MAP2K2: variants seen among roughly 807,000 people sequenced by gnomAD.
MAP2K2 encodes the protein dual specificity mitogen-activated protein kinase kinase 2.
In MAP2K2, 24 loss-of-function variants were observed where a neutral mutation model predicts 43.7. The ratio of observed to expected loss-of-function variants is 0.55; its 90% CI spans 0.40 to 0.77. The LOEUF (loss-of-function observed/expected upper bound fraction) is 0.77. Among genes scored for constraint, MAP2K2 ranks in the 30% least tolerant of loss-of-function variants. MAP2K2 has a pLI of 0.00. For synonymous variants in MAP2K2, 244 were observed against 239.7 expected, an observed-to-expected ratio of 1.02 and a Z score of -0.17; for missense variants, 470 against 566.8, an observed-to-expected ratio of 0.83 and a Z score of 1.73.
At chr19:4,112,899 T>C (rs1024262526) in intron 2 of MAP2K2, among the ~76,000 whole-genome samples, 3 of 152,084 alleles carry the variant, frequency 2.0e-5, no homozygotes, top group African/African-American at 7.2e-5. Context: ...GATGTTCACG[T>C]GGAGGTTGGG....
intron 10 of MAP2K2, among the ~76,000 whole-genome samples, chr19:4,092,527 T>G (rs2040864037): frequency 6.6e-6 from 1 of 151,976 alleles, no homozygotes; most frequent in African/African-American, 2.4e-5. Flanking sequence ...AGATGGAGTT[T>G]GCAGTGAGCC....
intron 2 of MAP2K2, among the ~76,000 whole-genome samples, chr19:4,113,617 T>C (rs2041183107): frequency 6.6e-6 from 1 of 152,178 alleles, no homozygotes; most frequent in African/African-American, 2.4e-5. Context: ...GAGCCCGTAT[T>C]CTTTCCAGGA....
At chr19:4,097,786 T>C (rs1187019215) in intron 7 of MAP2K2, among the ~76,000 whole-genome samples, 1 of 152,162 alleles carries the variant, frequency 6.6e-6, no homozygotes, top group East Asian at 1.9e-4. Flanking sequence ...TAGGGGTGGC[T>C]GACCCCTGTC....
chr19:4,093,324 G>C (rs935427033), intron 10 of MAP2K2, among the ~76,000 whole-genome samples: 7 of 152,174 alleles, frequency 4.6e-5, no homozygotes, highest in African/African-American at 1.7e-4. Flanking sequence ...CTTGAGCACG[G>C]GAGTTGGGGC....
intron 1 of MAP2K2, among the ~76,000 whole-genome samples, chr19:4,119,340 G>C (rs2041265320): frequency 6.6e-6 from 1 of 152,088 alleles, no homozygotes; most frequent in Non-Finnish European, 1.5e-5. Flanking sequence ...TCCTGCCTCA[G>C]CCTCCGAAGT....
chr19:4,095,285 G>C (rs2040900857), intron 9 of MAP2K2, 103 bp downstream of exon 9: 1 of 1,012,084 alleles, frequency 9.9e-7, no homozygotes, highest in Non-Finnish European at 1.5e-6. Context: ...CGCTGCACTG[G>C]GATTCTGGAT....
intron 10 of MAP2K2, among the ~76,000 whole-genome samples, chr19:4,094,245 G>A (rs2040882848): frequency 6.6e-6 from 1 of 152,286 alleles, no homozygotes; most frequent in African/African-American, 2.4e-5. Flanking sequence ...CACACCCTCT[G>A]CTCCCCGCAG....
chr19:4,121,832 C>G (rs2041300090), intron 1 of MAP2K2, among the ~76,000 whole-genome samples: 2 of 54,858 alleles, frequency 3.6e-5, no homozygotes, highest in Admixed American at 3.0e-4. Context: ...CCTGACCCCC[C>G]CAAAGTCCCC....
rs185846523 is a variant in MAP2K2 at position 4,113,214 on chromosome 19, C to T, written c.304-2559G>A. On this transcript the variant is annotated intron_variant, in intron 2 of 10. Coordinates refer to ENST00000262948, the MANE Select transcript of MAP2K2 (RefSeq NM_030662.4). Reference sequence around the variant, plus strand: ...GGCCTTGGAACCCAGGAGCTCCGAACGTGAAATGAGGCCGTCGGAAGCGAG... The same window carrying T: ...GGCCTTGGAACCCAGGAGCTCCGAATGTGAAATGAGGCCGTCGGAAGCGAG... Among the ~76,000 whole-genome samples, 210 of 152,294 alleles carry T rather than the reference C, an allele frequency of 1.4e-3. 1 individual carries two copies. The highest frequency in any genetic ancestry group is 2.4e-3 in the Non-Finnish European group (161 of 68,022).
chr19:4,105,032 G>A (rs1195169629), intron 3 of MAP2K2, among the ~76,000 whole-genome samples: 2 of 152,162 alleles, frequency 1.3e-5, no homozygotes, highest in Non-Finnish European at 2.9e-5. Flanking sequence ...CAGCTATAAA[G>A]ACCAAAGTCT....
intron 6 of MAP2K2, chr19:4,100,428 TCAAAA>T (rs2040987716): frequency 4.7e-5 from 1 of 21,496 alleles, no homozygotes; most frequent in African/African-American, 2.4e-4. Flanking sequence ...AGACTCTGTC[TCAAAA>T]AAAAAAAAAA....
intron 3 of MAP2K2, among the ~76,000 whole-genome samples, chr19:4,105,685 C>T (rs1240417716): frequency 6.6e-6 from 1 of 152,146 alleles, no homozygotes; most frequent in Admixed American, 6.6e-5. Context: ...TTCTTCATCT[C>T]TCTCTTTCTT....
chr19:4,107,655 T>C (rs2041101801), intron 3 of MAP2K2, among the ~76,000 whole-genome samples: 2 of 151,164 alleles, frequency 1.3e-5, no homozygotes, highest in South Asian at 2.1e-4. Flanking sequence ...TGCAGTGAGC[T>C]AGGATCATGC....
rs2041212418 is a variant in MAP2K2 at position 4,115,717 on chromosome 19, C to A, written c.303+1702G>T. Among the ~76,000 whole-genome samples, 1 of 152,210 alleles carries A rather than the reference C, an allele frequency of 6.6e-6. No homozygotes were observed. Among genetic ancestry groups the A allele is most frequent in the Non-Finnish European group, 1.5e-5 (1 of 68,038 alleles). The stretch of plus-strand genomic sequence containing the variant: ...GTTGAGCCGCTGCTCCCGAGGAAGG[C>A]AGGGCCCTCAAGCACTGCTGCCACC... On this transcript the variant is annotated intron_variant, in intron 2 of 10. Transcript: ENST00000262948. The surrounding 1 kb of genome is among the most constrained non-coding windows in gnomAD (Gnocchi z 4.1).
intron 1 of MAP2K2, 35 bp from the exon 2 acceptor site, chr19:4,117,664 T>C (rs1407879327): frequency 6.3e-7 from 1 of 1,588,428 alleles, no homozygotes. Context: ...GTTAGCTACC[T>C]AGGGAGACTC....
intron 6 of MAP2K2, chr19:4,100,719 A>AGGCACCAGCTTTAG (rs1041522518): frequency 8.1e-6 from 4 of 494,210 alleles, no homozygotes; most frequent in Non-Finnish European, 1.5e-5. Context: ...GGCTCCCAGG[A>AGGCACCAGCTTTAG]GGCACCAGCT....
At chr19:4,092,184 G>A (rs1206719270) in intron 10 of MAP2K2, among the ~76,000 whole-genome samples, 1 of 152,190 alleles carries the variant, frequency 6.6e-6, no homozygotes, top group East Asian at 1.9e-4. Flanking sequence ...GGCAGGCCAA[G>A]GTGCCTATCT....
intron 1 of MAP2K2, 58 bp downstream of exon 1, chr19:4,123,726 C>T (rs2041333919): frequency 3.8e-6 from 5 of 1,311,452 alleles, no homozygotes; most frequent in Non-Finnish European, 5.1e-6. Context: ...CCCCGTCCTT[C>T]CCCGAGGGCT....
chr19:4,095,664 TC>T (rs964502792), intron 8 of MAP2K2, among the ~76,000 whole-genome samples: 22 of 151,578 alleles, frequency 1.5e-4, no homozygotes, highest in African/African-American at 5.3e-4. Context: ...GTGGGGTGCG[TC>T]CCCCTTTTAT....
Sources: allele counts gnomAD v4.1 joint callset (sites outside exome capture counted in the v4.1 genomes callset), GRCh38; gene constraint gnomAD v4.1.1; non-coding constraint Gnocchi (gnomAD v3.1); transcripts MANE v1.5; gene names NCBI Gene and HGNC (gene_info 2026-07-23, HGNC 2026-07-21).